Variants in GRID2 observed in about 807,000 individuals in gnomAD.
GRID2 encodes glutamate receptor ionotropic, delta-2.
Under a neutral mutation model 114.8 loss-of-function variants are expected in GRID2, and 33 were observed. That is an observed-to-expected ratio of 0.29 (90% CI 0.22 to 0.38). GRID2 has a LOEUF of 0.38. Ranked by LOEUF, GRID2 falls within the 10% of genes least tolerant of loss-of-function variation. GRID2 has a pLI of 1.00. For missense variants in GRID2, 1,184 were observed against 1,257.7 expected (o/e 0.94, Z 0.89); for synonymous variants, 505 against 449.9 (o/e 1.12, Z -1.55).
At chr4:93,376,655 T>A (rs1252539728) in intron 8 of GRID2, among the ~76,000 whole-genome samples, 3 of 152,132 alleles carry the variant, frequency 2.0e-5, no homozygotes, top group Non-Finnish European at 4.4e-5. Flanking sequence ...AGGAATGAGA[T>A]CATGTCCTTT....
chr4:92,728,903 A>C (rs1189585684), intron 2 of GRID2, among the ~76,000 whole-genome samples: 1 of 152,022 alleles, frequency 6.6e-6, no homozygotes, highest in Non-Finnish European at 1.5e-5. Flanking sequence ...AAGTCCTTTG[A>C]GACAAAAAAG....
Position 92,440,114 on chromosome 4 carries a change from G to A in GRID2, c.88+135370G>A, listed in dbSNP as rs897124395. Among the ~76,000 whole-genome samples, 110 of 146,422 alleles carry A rather than the reference G, an allele frequency of 7.5e-4. 2 individuals are homozygous for A. Among genetic ancestry groups the A allele is most frequent in the African/African-American group, 2.5e-3 (101 of 41,136 alleles). On this transcript the variant is annotated intron_variant, in intron 1 of 15. Coordinates refer to ENST00000282020, the MANE Select transcript of GRID2 (RefSeq NM_001510.4). ...CAGGCCTGAATTCTGAGAAACGAAA[G>A]TGGTAAAAGTATTGTCCAGTCCTTT...
intron 2 of GRID2, among the ~76,000 whole-genome samples, chr4:92,662,057 T>A (rs1299694468): frequency 1.3e-5 from 2 of 151,062 alleles, no homozygotes; most frequent in Non-Finnish European, 3.0e-5. Context: ...ATATGAATTT[T>A]CATATTTTAT....
chr4:93,602,405 A>C (rs2149642909), intron 13 of GRID2, among the ~76,000 whole-genome samples: 1 of 152,282 alleles, frequency 6.6e-6, no homozygotes, highest in African/African-American at 2.4e-5. Context: ...GTGTTCAGTA[A>C]ATTAAAGGTT....
intron 1 of GRID2, among the ~76,000 whole-genome samples, chr4:93,781,429 T>C (rs900545200): frequency 6.6e-6 from 1 of 150,722 alleles, no homozygotes; most frequent in Non-Finnish European, 1.5e-5. Flanking sequence ...GGTGAGGGGC[T>C]GCGGTGAGGG....
chr4:93,011,264 A>AT (rs1206295268), intron 2 of GRID2, among the ~76,000 whole-genome samples: 1 of 151,156 alleles, frequency 6.6e-6, no homozygotes, highest in Non-Finnish European at 1.5e-5. Flanking sequence ...ATTGCCAATG[A>AT]TTTTCTGTTC....
In GRID2 at chr4:93,384,740, T is replaced by C. The variant is rs74361483; in HGVS notation, c.1246-10867T>C. ...CCACTAGATTGTTTCTTGCTGCATA[T>C]CATGCACTGCATTATTTCTTGCTGC... On this transcript the variant is annotated intron_variant, in intron 8 of 15. Transcript: ENST00000282020. Among the ~76,000 whole-genome samples the C allele has an allele frequency of 7.7e-3, 1,173 of 152,286 alleles. 15 individuals carry two copies. The highest frequency in any genetic ancestry group is 0.027 in the African/African-American group (1,102 of 41,574).
At position 93,224,653 on chromosome 4, in the gene GRID2, G is replaced by A. The variant is rs1363839646; in HGVS notation, c.1003G>A (p.Ala335Thr). Reference sequence around the variant, plus strand: ...CATATATGACACGGTGCTTCTGCTTGCTAATGCTTTTCATAAGAAGCTGGA... The same window carrying A: ...CATATATGACACGGTGCTTCTGCTTACTAATGCTTTTCATAAGAAGCTGGA... ...LYIYDTVLLLANAFHKKLEDR... is the reference protein window; with the variant it reads ...LYIYDTVLLLTNAFHKKLEDR... The change falls in exon 7 of 16, where the codon GCT (alanine) becomes ACT (threonine). Residue 335 changes from alanine to threonine, a missense_variant. This residue lies in a region of GRID2 where 455 missense variants were observed against 429.5 expected (regional missense o/e 1.06). Transcript: ENST00000282020. 8 of 1,611,234 alleles carry A rather than the reference G, an allele frequency of 5.0e-6. No individual in the cohort carries two copies. The highest frequency in any genetic ancestry group is 6.8e-6 in the Non-Finnish European group (8 of 1,177,910).
chr4:93,519,708 G>A (rs975833278), intron 13 of GRID2, among the ~76,000 whole-genome samples: 1 of 152,186 alleles, frequency 6.6e-6, no homozygotes. Context: ...GGATTTGTAA[G>A]TGAATAATAC....
intron 14 of GRID2, among the ~76,000 whole-genome samples, chr4:93,659,274 T>G (rs1723279555): frequency 6.6e-6 from 1 of 152,044 alleles, no homozygotes; most frequent in South Asian, 2.1e-4. Flanking sequence ...TGAAAGGAAA[T>G]TTACAGAGGC....
At chr4:93,085,992 A>G (rs1278530047) in intron 3 of GRID2, among the ~76,000 whole-genome samples, 7 of 152,132 alleles carry the variant, frequency 4.6e-5, no homozygotes, top group Non-Finnish European at 8.8e-5. Flanking sequence ...TTTTGTTTAC[A>G]TTTATTTTTT....
chr4:93,348,983 G>A (rs1176141439), intron 8 of GRID2, among the ~76,000 whole-genome samples: 2 of 152,078 alleles, frequency 1.3e-5, no homozygotes, highest in Admixed American at 6.6e-5. Context: ...TTATTTATTA[G>A]CTTGGATATT....
At chr4:93,368,997 C>T (rs561923703) in intron 8 of GRID2, among the ~76,000 whole-genome samples, 2 of 152,238 alleles carry the variant, frequency 1.3e-5, no homozygotes, top group Admixed American at 1.3e-4. Context: ...TGAGCAGTCC[C>T]AAACGATTAA....
intron 8 of GRID2, among the ~76,000 whole-genome samples, chr4:93,309,569 AAAAG>A (rs1411528351): frequency 6.6e-6 from 1 of 151,654 alleles, no homozygotes; most frequent in African/African-American, 2.4e-5. Context: ...TAATAAATAA[AAAAG>A]AAGAAGAATT....
chr4:93,519,985 T>C (rs1029163448), intron 13 of GRID2, among the ~76,000 whole-genome samples: 2 of 152,040 alleles, frequency 1.3e-5, no homozygotes, highest in African/African-American at 4.8e-5. Context: ...AACTGAAGTA[T>C]TAAAATGGAA....
chr4:93,300,667 C>T (rs1035665485), intron 8 of GRID2, among the ~76,000 whole-genome samples: 1 of 152,164 alleles, frequency 6.6e-6, no homozygotes, highest in Admixed American at 6.5e-5. Context: ...AATACTGTAG[C>T]AGGACGAGCC....
chr4:92,432,137 G>A (rs1043660695), intron 1 of GRID2, among the ~76,000 whole-genome samples: 1 of 152,120 alleles, frequency 6.6e-6, no homozygotes, highest in African/African-American at 2.4e-5. Context: ...AGCTAGGGGA[G>A]GAGTGACACA....
intron 1 of GRID2, among the ~76,000 whole-genome samples, chr4:92,580,329 AAAG>A (rs144972576): frequency 0.27 from 40,343 of 151,040 alleles, 5,510 homozygotes; most frequent in Middle Eastern, 0.36. Flanking sequence ...TTCATGTAAT[AAAG>A]AAGAAGAAAA....
intron 1 of GRID2, among the ~76,000 whole-genome samples, chr4:93,802,862 T>C (rs922372723): frequency 6.6e-6 from 1 of 152,262 alleles, no homozygotes; most frequent in Non-Finnish European, 1.5e-5. Context: ...ATTCCATCTT[T>C]GAAAGTAAGA....
Sources: allele counts gnomAD v4.1 joint callset (sites outside exome capture counted in the v4.1 genomes callset), GRCh38; gene constraint gnomAD v4.1.1; regional missense constraint gnomAD v4.1.1; transcripts MANE v1.5; gene names NCBI Gene and HGNC (gene_info 2026-07-23, HGNC 2026-07-21).